The following FCHSD1 variants were observed in gnomAD, a reference collection of about 807,000 sequenced individuals.
FCHSD1 encodes FCH and double SH3 domains 1.
FCHSD1 carries 109 observed loss-of-function variants against 101.3 expected under a neutral mutation model. The observed-to-expected ratio is 1.08, with a 90% CI of 0.92 to 1.26. FCHSD1 has a LOEUF of 1.26. Ranked by LOEUF, FCHSD1 falls within the 50% of genes most tolerant of loss-of-function variation. The pLI is 0.00. For missense variants in FCHSD1, 820 were observed against 895.8 expected (o/e 0.92, Z 1.08); for synonymous variants, 291 against 356.8 (o/e 0.82, Z 2.08).
intron 19 of FCHSD1, 47 bp downstream of exon 19, chr5:141,641,655 G>C: frequency 1.2e-6 from 2 of 1,612,792 alleles, no homozygotes; most frequent in Non-Finnish European, 1.7e-6. Flanking sequence ...AGGACTGGTT[G>C]GAATAACCCC....
At position 141,644,300 on chromosome 5, in the gene FCHSD1, C is replaced by T. The variant is rs1235413618; in HGVS notation, c.1781G>A (p.Gly594Asp). 6.8e-6 allele frequency: 11 copies of T among 1,613,624 alleles called. No homozygotes were observed. The highest frequency in any genetic ancestry group is 7.6e-6 in the Non-Finnish European group (9 of 1,179,806). The change falls in exon 17 of 20, where the codon GGC becomes GAC. Residue 594 changes from glycine to aspartate, a missense_variant. By Grantham distance (94) the Gly-to-Asp change is moderately conservative. Coordinates refer to ENST00000435817, the MANE Select transcript of FCHSD1 (RefSeq NM_033449.3). Reference sequence around the variant, plus strand: ...CAGGGAGGGGAAGACCCCAACACGGCCCCCAAATTCTCCCCTCCAGAAGCC... The same window carrying T: ...CAGGGAGGGGAAGACCCCAACACGGTCCCCAAATTCTCCCCTCCAGAAGCC... ...DDGFWRGEFG[G>D]RVGVFPSLLV...
In FCHSD1 at chr5:141,639,674, G is replaced by A. The variant is rs773503771; in HGVS notation, c.*1824C>T. The A allele has an allele frequency of 3.2e-6, 5 of 1,579,532 alleles. No individual in the cohort carries two copies. Among genetic ancestry groups the A allele is most frequent in the African/African-American group, 1.4e-5 (1 of 73,494 alleles). ...GGTGGGGCAGGTGCTCCAGGGAAAG[G>A]GGGGCTGAGGTAGGGGGCCCAGTGA... On this transcript the variant is annotated 3_prime_UTR_variant, in exon 20 of 20. Transcript: ENST00000435817. The surrounding 1 kb of genome is among the most constrained non-coding windows in gnomAD (Gnocchi z 4.4).
At chr5:141,643,109 G>C in intron 17 of FCHSD1, 21 bp from the exon 18 acceptor site, 1 of 1,427,388 alleles carries the variant, frequency 7.0e-7, no homozygotes, top group Non-Finnish European at 9.2e-7. Context: ...GGTGGGCACA[G>C]AGTTATTCCT....
At chr5:141,643,436 G>A (rs2099907227) in intron 17 of FCHSD1, among the ~76,000 whole-genome samples, 1 of 152,242 alleles carries the variant, frequency 6.6e-6, no homozygotes, top group Non-Finnish European at 1.5e-5. Context: ...GTTATTGGCA[G>A]AGTGCTGGCT....
chr5:141,641,004 C>T lies in FCHSD1; in HGVS notation c.*494G>A, dbSNP rs1490491236. Reference sequence around the variant, plus strand: ...CCCTGCCCTCTTAGCACAAGAGGCCCAGGCCCTGGCCTGGCCTTCGTGCCC... The same window carrying T: ...CCCTGCCCTCTTAGCACAAGAGGCCTAGGCCCTGGCCTGGCCTTCGTGCCC... On this transcript the variant is annotated 3_prime_UTR_variant, in exon 20 of 20. Transcript: ENST00000435817. 1.2e-5 allele frequency: 5 copies of T among 416,570 alleles called. No individual in the cohort carries two copies. In the East Asian group the frequency reaches 1.5e-4, roughly 12 times the overall value. 25.8% of individuals were successfully genotyped at this position (416,570 alleles called of 1,614,324 possible).
Position 141,649,233 on chromosome 5 carries a change from A to T in FCHSD1, c.451T>A (p.Tyr151Asn), listed in dbSNP as rs759186444. Residue 151 changes from tyrosine to asparagine, a missense_variant, in exon 6 of 20, where the codon TAT (tyrosine) becomes AAT (asparagine). Physicochemically the swap from Tyr to Asn is moderately radical, Grantham distance 143. Coordinates refer to ENST00000435817, the MANE Select transcript of FCHSD1 (RefSeq NM_033449.3). The surrounding 1 kb of genome is among the most constrained non-coding windows in gnomAD (Gnocchi z 4.1). Reference protein sequence around the residue: ...VRELSRSRKLYGQRERVWALA... With the variant: ...VRELSRSRKLNGQRERVWALA... ...GCCCACACACGTTCCCGCTGCCCAT[A>T]CAGCTTCCGACTTCGGCTCAGCTCC... 17 of 1,613,818 alleles carry T rather than the reference A, an allele frequency of 1.1e-5. No homozygotes were observed. In the African/African-American group the frequency reaches 2.1e-4, roughly 20 times the overall value.
chr5:141,646,673 A>G lies in FCHSD1; in HGVS notation c.974T>C (p.Leu325Pro), dbSNP rs780125178. Residue 325 changes from leucine (L) to proline (P), a missense_variant, in exon 11 of 20, where the codon CTG (leucine) becomes CCG (proline). Transcript: ENST00000435817. ...GAEGVAGKSGLEKEVQRLTSR... is the reference protein window; with the variant it reads ...GAEGVAGKSGPEKEVQRLTSR... ...GGTCAAGCGCTGAACCTCTTTCTCC[A>G]GGCCACTCTTGCCAGCCACGCCTTC... 6.2e-7 allele frequency: 1 copy of G among 1,613,252 alleles called. No homozygotes were observed. Among genetic ancestry groups the G allele is most frequent in the South Asian group, 1.1e-5 (1 of 90,996 alleles).
chr5:141,641,757 T>A lies in FCHSD1; in HGVS notation c.1952A>T (p.Asp651Val), dbSNP rs1451015892. 6.2e-7 allele frequency: 1 copy of A among 1,613,894 alleles called. No individual in the cohort carries two copies. The highest frequency in any genetic ancestry group is 1.3e-5 in the African/African-American group (1 of 74,938). ...DGPPAPVLPG[D>V]KALDFPGFLD... ...GAACCCAGGGAAGTCCAGGGCTTTG[T>A]CTGGAAATAAGAACCACAAGTCAGT... Residue 651 changes from aspartate to valine, a missense_variant and splice_region_variant, in exon 19 of 20, where the codon GAC (aspartate) becomes GTC (valine). Asp to Val is a radical substitution (Grantham distance 152). Coordinates refer to ENST00000435817, the MANE Select transcript of FCHSD1 (RefSeq NM_033449.3).
At chr5:141,647,930 C>A in intron 8 of FCHSD1, 38 bp downstream of exon 8, 1 of 1,604,330 alleles carries the variant, frequency 6.2e-7, no homozygotes, top group Non-Finnish European at 8.5e-7. Flanking sequence ...TCCTTTCCCT[C>A]CCTGCTGAGG....
chr5:141,648,353 T>C (rs2099907930), intron 7 of FCHSD1, among the ~76,000 whole-genome samples: 1 of 152,216 alleles, frequency 6.6e-6, no homozygotes, highest in Admixed American at 6.5e-5. Context: ...GCAATCTCTC[T>C]GACCTCTTTT....
chr5:141,647,089 A>G (rs2154598434), intron 10 of FCHSD1, 46 bp downstream of exon 10: 1 of 1,512,728 alleles, frequency 6.6e-7, no homozygotes, highest in Non-Finnish European at 9.0e-7. Flanking sequence ...CTAAATCATA[A>G]TCGCCTTTAT....
In FCHSD1 at chr5:141,640,405, C is replaced by T. The variant is rs1279388418; in HGVS notation, c.*1093G>A. 1.2e-6 allele frequency: 2 copies of T among 1,614,050 alleles called. No individual in the cohort carries two copies. The highest frequency in any genetic ancestry group is 2.7e-5 in the African/African-American group (2 of 74,928). Reference sequence around the variant, plus strand: ...CTCTCATTGTTGACCCCTCCCCTTTCTCTCAGGTGTCTCTACCACAGGGAG... The same window carrying T: ...CTCTCATTGTTGACCCCTCCCCTTTTTCTCAGGTGTCTCTACCACAGGGAG... On this transcript the variant is annotated 3_prime_UTR_variant, in exon 20 of 20. Coordinates refer to ENST00000435817, the MANE Select transcript of FCHSD1 (RefSeq NM_033449.3).
chr5:141,645,166 A>C lies in FCHSD1; in HGVS notation c.1312-18T>G. 1 of 1,526,262 alleles carries C rather than the reference A, an allele frequency of 6.6e-7. No individual in the cohort carries two copies. The allele number at this position is 1,526,262 out of a possible 1,614,324, so 94.5% of individuals were successfully genotyped here. On this transcript the variant is annotated intron_variant, in intron 13 of 19. Coordinates refer to ENST00000435817, the MANE Select transcript of FCHSD1 (RefSeq NM_033449.3). Reference sequence around the variant, plus strand: ...TCCTCAGCCTAGAGGGGCAAAGAACAGACCTCATATGGGGCCCACTCTCAA... The same window carrying C: ...TCCTCAGCCTAGAGGGGCAAAGAACCGACCTCATATGGGGCCCACTCTCAA...
Position 141,643,107 on chromosome 5 carries a change from CAG to C in FCHSD1, c.1864-21_1864-20del, listed in dbSNP as rs754778592. ...GCAGCATCTGGAGGTGGGGTGGGCA[CAG>C]AGTTATTCCTGGCATGTGGGGAGGT... On this transcript the variant is annotated intron_variant, in intron 17 of 19. Coordinates refer to ENST00000435817, the MANE Select transcript of FCHSD1 (RefSeq NM_033449.3). The C allele has an allele frequency of 1.5e-5, 22 of 1,431,476 alleles. No homozygotes were observed. The highest frequency in any genetic ancestry group is 9.0e-5 in the African/African-American group (6 of 66,966). The allele number at this position is 1,431,476 out of a possible 1,614,324, so 88.7% of individuals were successfully genotyped here.
At chr5:141,646,059 G>C in intron 12 of FCHSD1, 28 bp downstream of exon 12, 1 of 1,588,576 alleles carries the variant, frequency 6.3e-7, no homozygotes, top group Non-Finnish European at 8.6e-7. Context: ...GAGAAGGTGG[G>C]ATCTCTAACC....
At position 141,640,559 on chromosome 5, in the gene FCHSD1, C is replaced by T. The variant is rs767024402; in HGVS notation, c.*939G>A. 7 of 1,568,826 alleles carry T rather than the reference C, an allele frequency of 4.5e-6. No individual in the cohort carries two copies. Among genetic ancestry groups the T allele is most frequent in the Non-Finnish European group, 6.1e-6 (7 of 1,155,406 alleles). On this transcript the variant is annotated 3_prime_UTR_variant, in exon 20 of 20. Coordinates refer to ENST00000435817, the MANE Select transcript of FCHSD1 (RefSeq NM_033449.3). ...GAGTAAACTGCAGGCTTAGCCTTTGCTATAAATCCCTTGGTTTGGTGGTGG... is the reference window on the plus strand; with the variant it reads ...GAGTAAACTGCAGGCTTAGCCTTTGTTATAAATCCCTTGGTTTGGTGGTGG...
In FCHSD1 at chr5:141,644,250, G is replaced by T. The variant is rs183679247; in HGVS notation, c.1831C>A (p.Pro611Thr). ...SLLVEELLGP[P>T]GPPELSDPEQ... is the part of the protein sequence containing the mutation. ...GGGTCAGAGAGTTCAGGTGGCCCTGGGGGGCCAAGCAGCTCTTCCACCAGC... is the reference window on the plus strand; with the variant it reads ...GGGTCAGAGAGTTCAGGTGGCCCTGTGGGGCCAAGCAGCTCTTCCACCAGC... The change falls in exon 17 of 20, where the codon CCA (proline) becomes ACA (threonine). Residue 611 changes from proline to threonine, a missense_variant. Transcript: ENST00000435817. 2,305 of 1,612,950 alleles carry T rather than the reference G, an allele frequency of 1.4e-3. 30 individuals carry two copies. In the East Asian group the frequency reaches 0.028, roughly 20 times the overall value.
At position 141,649,424 on chromosome 5, in the gene FCHSD1, G is replaced by A. The variant is rs751861439; in HGVS notation, c.346C>T (p.Arg116Trp). 8.6e-5 allele frequency: 139 copies of A among 1,613,812 alleles called. No homozygotes were observed. Among genetic ancestry groups the A allele is most frequent in the East Asian group, 2.9e-4 (13 of 44,900 alleles). Reference protein sequence around the residue: ...RYRDLAGGTGRSAKEQVLRKG... With the variant: ...RYRDLAGGTGWSAKEQVLRKG... ...CTAAGCACCTGCTCCTTGGCGCTCC[G>A]CCCTGTACCCCCTGCTAGGTCACGG... Residue 116 changes from arginine to tryptophan, a missense_variant, in exon 5 of 20, where the codon CGG becomes TGG. Transcript: ENST00000435817. The surrounding 1 kb of genome is among the most constrained non-coding windows in gnomAD (Gnocchi z 4.1).
Position 141,647,127 on chromosome 5 carries a change from G to C in FCHSD1, c.924+8C>G, listed in dbSNP as rs1017149460. 4.8e-5 allele frequency: 76 copies of C among 1,598,148 alleles called. No homozygotes were observed. Among genetic ancestry groups the C allele is most frequent in the Non-Finnish European group, 6.1e-5 (72 of 1,171,950 alleles). ...GTGGCCTGGTTCCAACAAGCAGGAA[G>C]ATCTCACCTGATCAGTCCCTGCTGG... On this transcript the variant is annotated splice_region_variant and intron_variant, in intron 10 of 19. Coordinates refer to ENST00000435817, the MANE Select transcript of FCHSD1 (RefSeq NM_033449.3).
Sources: allele counts gnomAD v4.1 joint callset (sites outside exome capture counted in the v4.1 genomes callset), GRCh38; gene constraint gnomAD v4.1.1; non-coding constraint Gnocchi (gnomAD v3.1); transcripts MANE v1.5; gene names NCBI Gene and HGNC (gene_info 2026-07-23, HGNC 2026-07-21).